LRRTM4: variants seen among roughly 807,000 people sequenced by gnomAD.
The protein encoded by LRRTM4 is leucine rich repeat transmembrane neuronal 4.
A neutral mutation model predicts 47.6 loss-of-function variants in LRRTM4; 25 were observed. That is an observed-to-expected ratio of 0.53 (90% CI 0.38 to 0.73). The LOEUF (loss-of-function observed/expected upper bound fraction) is 0.73. Ranked by LOEUF, LRRTM4 falls within the 30% of genes least tolerant of loss-of-function variation. The pLI is 0.00. For missense variants in LRRTM4, 638 were observed against 713.4 expected (o/e 0.89, Z 1.20); for synonymous variants, 311 against 269.5 (o/e 1.15, Z -1.51).
intron 3 of LRRTM4, among the ~76,000 whole-genome samples, chr2:76,752,578 C>G (rs1318880367): frequency 1.3e-5 from 2 of 152,130 alleles, no homozygotes; most frequent in Non-Finnish European, 2.9e-5. Context: ...ATTCAAAAGC[C>G]AAGTGCATTG....
intron 3 of LRRTM4, among the ~76,000 whole-genome samples, chr2:76,846,419 CAT>C (rs1202664596): frequency 1.9e-4 from 29 of 152,084 alleles, no homozygotes; most frequent in Admixed American, 1.9e-3. Flanking sequence ...TAATCACAAA[CAT>C]ATTATTAAAA....
At chr2:76,810,353 CCACCAAAAGAATATAACCTAATTT>C (rs1370631895) in intron 3 of LRRTM4, among the ~76,000 whole-genome samples, 12 of 152,126 alleles carry the variant, frequency 7.9e-5, no homozygotes. Flanking sequence ...ATTTATGCTT[CCACCAAAAGAATATAACCTAATTT>C]CACCAAAAGG....
chr2:77,456,015 G>A (rs886998335), intron 3 of LRRTM4, among the ~76,000 whole-genome samples: 1 of 151,990 alleles, frequency 6.6e-6, no homozygotes, highest in African/African-American at 2.4e-5. Flanking sequence ...TCTGTAATTA[G>A]TGTGCACTCC....
At chr2:77,460,825 T>C (rs879289162) in intron 3 of LRRTM4, among the ~76,000 whole-genome samples, 1 of 152,106 alleles carries the variant, frequency 6.6e-6, no homozygotes, top group Non-Finnish European at 1.5e-5. Context: ...TGCATTGCTC[T>C]CACCCCAGTT....
chr2:76,907,915 C>T (rs1482956046), intron 3 of LRRTM4, among the ~76,000 whole-genome samples: 2 of 147,682 alleles, frequency 1.4e-5, no homozygotes, highest in African/African-American at 2.5e-5. Context: ...ACCAGAGGTA[C>T]AAGGAGGAAC....
intron 3 of LRRTM4, among the ~76,000 whole-genome samples, chr2:77,099,913 G>A (rs1670908463): frequency 6.6e-6 from 1 of 152,090 alleles, no homozygotes; most frequent in African/African-American, 2.4e-5. Flanking sequence ...TGAGTGTGGA[G>A]TGTGAAAGTG....
At chr2:76,851,934 G>A (rs890173397) in intron 3 of LRRTM4, among the ~76,000 whole-genome samples, 18 of 151,918 alleles carry the variant, frequency 1.2e-4, no homozygotes, top group Admixed American at 1.2e-3. Context: ...ATGGGAAGAA[G>A]GAAAAGCAGT....
At chr2:77,161,540 C>G (rs1335447534) in intron 3 of LRRTM4, among the ~76,000 whole-genome samples, 1 of 152,124 alleles carries the variant, frequency 6.6e-6, no homozygotes, top group Non-Finnish European at 1.5e-5. Flanking sequence ...AAAACCTGGT[C>G]AGGTGGTAAC....
At chr2:76,987,539 C>T (rs1349547177) in intron 3 of LRRTM4, 2 of 151,786 alleles carry the variant, frequency 1.3e-5, no homozygotes, top group Non-Finnish European at 1.5e-5. Context: ...TTAAGTTTCA[C>T]CTGTGTGTGT....
At chr2:77,045,827 A>C (rs906288339) in intron 3 of LRRTM4, among the ~76,000 whole-genome samples, 29 of 151,458 alleles carry the variant, frequency 1.9e-4, no homozygotes, top group African/African-American at 6.5e-4. Flanking sequence ...CAAGCACAGC[A>C]TTTTTTTTGC....
chr2:77,136,637 A>T (rs1671952365), intron 3 of LRRTM4, among the ~76,000 whole-genome samples: 1 of 152,224 alleles, frequency 6.6e-6, no homozygotes, highest in Non-Finnish European at 1.5e-5. Flanking sequence ...AATGACTTTT[A>T]TGAGTTGAGA....
chr2:77,511,500 C>T (rs1179372006), intron 3 of LRRTM4, among the ~76,000 whole-genome samples: 1 of 151,254 alleles, frequency 6.6e-6, no homozygotes, highest in Non-Finnish European at 1.5e-5. Flanking sequence ...ATGCCATAAC[C>T]TTATTGAGTT....
chr2:77,213,364 G>A (rs984178005), intron 3 of LRRTM4, among the ~76,000 whole-genome samples: 31 of 151,954 alleles, frequency 2.0e-4, no homozygotes, highest in African/African-American at 7.5e-4. Context: ...TACTTGTTGT[G>A]TCATGTGGTC....
chr2:77,439,979 T>A (rs1025785611), intron 3 of LRRTM4, among the ~76,000 whole-genome samples: 1 of 152,180 alleles, frequency 6.6e-6, no homozygotes, highest in African/African-American at 2.4e-5. Context: ...ACTATACACC[T>A]AAATTTGCAA....
rs557942546 is a variant in LRRTM4, at chr2:76,791,022, G to T, written c.1552-42106C>A. 2.0e-5 allele frequency among the ~76,000 whole-genome samples: 3 copies of T among 152,262 alleles called. No individual in the cohort carries two copies. In the East Asian group the frequency reaches 5.8e-4, roughly 29 times the overall value. On this transcript the variant is annotated intron_variant, in intron 3 of 3. Transcript: ENST00000409884. ...AGTTACATGATAAGCTAGGATGATGGTTACAATGATAAAGAGGTAATTTAC... is the reference window on the plus strand; with the variant it reads ...AGTTACATGATAAGCTAGGATGATGTTTACAATGATAAAGAGGTAATTTAC...
chr2:76,781,807 T>TTC, intron 3 of LRRTM4, among the ~76,000 whole-genome samples: 1 of 152,302 alleles, frequency 6.6e-6, no homozygotes, highest in African/African-American at 2.4e-5. Context: ...CTATTTTTTT[T>TTC]CCTGAAGAGG....
chr2:77,059,162 T>C (rs1171722342), intron 3 of LRRTM4, among the ~76,000 whole-genome samples: 4 of 152,176 alleles, frequency 2.6e-5, no homozygotes, highest in Non-Finnish European at 2.9e-5. Context: ...CATGGTTATT[T>C]AGCATACTTG....
intron 3 of LRRTM4, among the ~76,000 whole-genome samples, chr2:76,979,776 T>C (rs1211622069): frequency 6.6e-6 from 1 of 151,864 alleles, no homozygotes; most frequent in East Asian, 1.9e-4. Flanking sequence ...TATTTGAAGA[T>C]GTTTCAGCTC....
chr2:76,787,959 G>A (rs1189622101), intron 3 of LRRTM4, among the ~76,000 whole-genome samples: 1 of 151,992 alleles, frequency 6.6e-6, no homozygotes, highest in African/African-American at 2.4e-5. Context: ...ATGTCTGTAT[G>A]ATATTAATGA....
Sources: allele counts gnomAD v4.1 joint callset (sites outside exome capture counted in the v4.1 genomes callset), GRCh38; gene constraint gnomAD v4.1.1; transcripts MANE v1.5; gene names NCBI Gene and HGNC (gene_info 2026-07-23, HGNC 2026-07-21).